Variants in DHX58 observed in about 807,000 individuals in gnomAD.
DHX58 encodes ATP-dependent RNA helicase DHX58.
Under a neutral mutation model 65.0 loss-of-function variants are expected in DHX58, and 51 were observed. The ratio of observed to expected loss-of-function variants is 0.78; its 90% CI spans 0.63 to 0.99. DHX58 has a LOEUF of 0.99. Among genes scored for constraint, DHX58 ranks in the 50% least tolerant of loss-of-function variants. DHX58 has a pLI of 0.00. For synonymous variants in DHX58, 350 were observed against 365.0 expected (o/e 0.96, Z 0.47); for missense variants, 773 against 891.8 (o/e 0.87, Z 1.70).
chr17:42,104,035 G>C (rs1696500158), intron 11 of DHX58, among the ~76,000 whole-genome samples: 1 of 152,040 alleles, frequency 6.6e-6, no homozygotes, highest in African/African-American at 2.4e-5. Context: ...ACCAGCCTGG[G>C]CAACATGGTG....
chr17:42,110,634 G>C (rs2054134165), intron 5 of DHX58, 89 bp downstream of exon 5: 1 of 1,440,812 alleles, frequency 6.9e-7, no homozygotes, highest in Non-Finnish European at 9.3e-7. Flanking sequence ...GGTAGGGCTG[G>C]TGGGGACGGG....
chr17:42,111,699 G>C (rs1472222636), intron 3 of DHX58, 26 bp downstream of exon 3: 2 of 1,589,782 alleles, frequency 1.3e-6, no homozygotes, highest in Non-Finnish European at 1.7e-6. Flanking sequence ...GGTGGTGGGA[G>C]AGCGGGGTAG....
chr17:42,108,061 G>C lies in DHX58; in HGVS notation c.726C>G (p.Asp242Glu). 6.2e-7 allele frequency: 1 copy of C among 1,614,248 alleles called. No individual in the cohort carries two copies. The highest frequency in any genetic ancestry group is 8.5e-7 in the Non-Finnish European group (1 of 1,180,050). Residue 242 changes from aspartate to glutamate, a missense_variant, in exon 7 of 14, where the codon GAC becomes GAG. Coordinates refer to ENST00000251642, the MANE Select transcript of DHX58 (RefSeq NM_024119.3). ...GGCTCAACTCAGGCATCTCCAGGTG[G>C]TCATGGATTTGGTCCATGAGCTTCT... ...LLKKLMDQIH[D>E]HLEMPELSRK... is the part of the protein sequence containing the mutation.
At position 42,107,800 on chromosome 17, in the gene DHX58, G is replaced by A. The variant is rs782506101; in HGVS notation, c.806-5C>T. On this transcript the variant is annotated splice_polypyrimidine_tract_variant and splice_region_variant and intron_variant, in intron 7 of 13. Coordinates refer to ENST00000251642, the MANE Select transcript of DHX58 (RefSeq NM_024119.3). ...CCTGAAGCCCAGCCAAAGCCGCTGC[G>A]GGAAGAGGGCGCAGGGTCTGAGCAG... The A allele has an allele frequency of 1.3e-6, 2 of 1,567,348 alleles. No homozygotes were observed. The highest frequency in any genetic ancestry group is 1.4e-5 in the African/African-American group (1 of 73,958).
chr17:42,105,199 C>A, intron 9 of DHX58, 32 bp from the exon 10 acceptor site: 1 of 1,580,202 alleles, frequency 6.3e-7, no homozygotes, highest in Non-Finnish European at 8.6e-7. Flanking sequence ...GAGAAAGAGG[C>A]TGGTACATGA....
chr17:42,102,586 C>A, intron 12 of DHX58: 1 of 361,316 alleles, frequency 2.8e-6, no homozygotes, highest in African/African-American at 2.1e-5. Flanking sequence ...TACTCCCAAT[C>A]CCAAGCCATC....
Position 42,104,927 on chromosome 17 carries a change from C to T in DHX58, c.1402G>A (p.Ala468Thr). Residue 468 changes from alanine (A) to threonine (T), a missense_variant and splice_region_variant, in exon 11 of 14, where the codon GCC becomes ACC. By Grantham distance (58) the Ala-to-Thr change is moderately conservative. Coordinates refer to ENST00000251642, the MANE Select transcript of DHX58 (RefSeq NM_024119.3). ...LLTNEISMVQ[A>T]RGRARADQSV... ...TGATCGGCCCGGGCACGGCCCCTGGCCTGGGAAGAGAGACAAGGGGTGTCC... is the reference window on the plus strand; with the variant it reads ...TGATCGGCCCGGGCACGGCCCCTGGTCTGGGAAGAGAGACAAGGGGTGTCC... The T allele has an allele frequency of 1.2e-6, 2 of 1,614,004 alleles. No individual in the cohort carries two copies. The highest frequency in any genetic ancestry group is 1.7e-6 in the Non-Finnish European group (2 of 1,179,994).
intron 5 of DHX58, among the ~76,000 whole-genome samples, chr17:42,109,767 C>G (rs569075766): frequency 9.2e-5 from 14 of 151,918 alleles, no homozygotes; most frequent in African/African-American, 3.4e-4. Context: ...TGGTGGCACG[C>G]GCCTGTAGTC....
At chr17:42,103,850 T>TG in intron 11 of DHX58, 52 bp from the exon 12 acceptor site, 1 of 1,558,052 alleles carries the variant, frequency 6.4e-7, no homozygotes, top group Non-Finnish European at 8.7e-7. Context: ...GAACGTTCCT[T>TG]GGGGGACAAA....
chr17:42,102,345 T>C (rs372676936), intron 12 of DHX58, 33 bp from the exon 13 acceptor site: 96 of 1,582,180 alleles, frequency 6.1e-5, no homozygotes, highest in Non-Finnish European at 8.3e-5. Flanking sequence ...ACAGCCCTCA[T>C]TGACCCTCCT....
rs1421521644 is a variant in DHX58 at position 42,111,026 on chromosome 17, C to A, written c.371-113G>T. 5.5e-6 allele frequency: 7 copies of A among 1,261,492 alleles called. No homozygotes were observed. In the African/African-American group the frequency reaches 9.0e-5, roughly 16 times the overall value. 78.1% of individuals were successfully genotyped at this position (1,261,492 alleles called of 1,614,324 possible). On this transcript the variant is annotated intron_variant, in intron 4 of 13. Transcript: ENST00000251642. Reference sequence around the variant, plus strand: ...AATTCCTTCTTCCCTTCACAACCTGCAGCTGGTCCCAGGATGAGGAGCCAG... The same window carrying A: ...AATTCCTTCTTCCCTTCACAACCTGAAGCTGGTCCCAGGATGAGGAGCCAG...
Position 42,101,950 on chromosome 17 carries a change from G to A in DHX58, c.1852-4C>T, listed in dbSNP as rs1286854309. 5.0e-6 allele frequency: 8 copies of A among 1,606,812 alleles called. No individual in the cohort carries two copies. The Admixed American group carries it at 1.0e-4, about 21-fold the overall frequency. On this transcript the variant is annotated splice_region_variant and splice_polypyrimidine_tract_variant and intron_variant, in intron 13 of 13. Transcript: ENST00000251642. ...AGATCATCTGCAGACCCCAGACCTG[G>A]AGGTGAGACAGAGAGGGTAGGGTCT...
rs373237712 is a variant in DHX58, at chr17:42,104,841, G to A, written c.1488C>T (p.Asn496=). ...GSRELKRELI[N]EALETLMEQA... is the part of the protein sequence containing the mutation. ...GCTCCATCAGCGTCTCCAGCGCCTC[G>A]TTGATCAGCTCCCGCTTCAGCTCCC... The change falls in exon 11 of 14, where the codon AAC becomes AAT. Residue 496 remains asparagine (N), a synonymous_variant. Coordinates refer to ENST00000251642, the MANE Select transcript of DHX58 (RefSeq NM_024119.3). The A allele has an allele frequency of 4.3e-6, 7 of 1,614,074 alleles. No individual in the cohort carries two copies. Among genetic ancestry groups the A allele is most frequent in the African/African-American group, 1.3e-5 (1 of 75,040 alleles).
chr17:42,105,854 T>C lies in DHX58; in HGVS notation c.1133A>G (p.Gln378Arg), dbSNP rs782460075. The change falls in exon 9 of 14, where the codon CAA becomes CGA. Residue 378 changes from glutamine to arginine, a missense_variant. Transcript: ENST00000251642. ...CCAGAGCAGGAGGGAGTGTGCGCTT[T>C]GGCGGGTGCGGGTGAAGATGATACC... Reference protein sequence around the residue: ...PRGIIFTRTRQSAHSLLLWLQ... With the variant: ...PRGIIFTRTRRSAHSLLLWLQ... The C allele has an allele frequency of 2.5e-6, 4 of 1,614,038 alleles. No individual in the cohort carries two copies. The highest frequency in any genetic ancestry group is 2.5e-6 in the Non-Finnish European group (3 of 1,180,006).
intron 2 of DHX58, 27 bp downstream of exon 2, chr17:42,112,086 C>T (rs1171270703): frequency 4.6e-6 from 3 of 645,844 alleles, no homozygotes; most frequent in Non-Finnish European, 7.6e-6. Context: ...CAGGCTACAC[C>T]TGCCCCCTGC....
chr17:42,104,347 A>T (rs551488221), intron 11 of DHX58, among the ~76,000 whole-genome samples: 3 of 152,320 alleles, frequency 2.0e-5, no homozygotes, highest in Admixed American at 6.5e-5. Context: ...CATCATTAAC[A>T]ATTATGCTGG....
Position 42,107,588 on chromosome 17 carries a change from C to T in DHX58, c.997+16G>A. ...TCCCATCATCCCCGGCCCCGAAGCC[C>T]CCTCCCGCCCCTCACCATCGAACAG... On this transcript the variant is annotated intron_variant, in intron 8 of 13. Coordinates refer to ENST00000251642, the MANE Select transcript of DHX58 (RefSeq NM_024119.3). The T allele has an allele frequency of 6.4e-7, 1 of 1,558,996 alleles. No individual in the cohort carries two copies. Among genetic ancestry groups the T allele is most frequent in the Non-Finnish European group, 8.7e-7 (1 of 1,149,184 alleles).
intron 12 of DHX58, chr17:42,103,275 G>C (rs1395585314): frequency 3.0e-6 from 1 of 329,610 alleles, no homozygotes; most frequent in Non-Finnish European, 5.6e-6. Context: ...GTGGATGGAG[G>C]ATGGCCCAGG....
chr17:42,112,568 T>TGGGGGG (rs1351973584), intron 1 of DHX58, 37 bp downstream of exon 1: 1 of 16,404 alleles, frequency 6.1e-5, no homozygotes, highest in African/African-American at 2.1e-4. Flanking sequence ...GGCCAAAAGG[T>TGGGGGG]GGGGGTGGGG....
Sources: gnomAD v4.1 joint callset for allele counts (sites outside exome capture counted in the v4.1 genomes callset) on GRCh38, gnomAD v4.1.1 for gene constraint, MANE v1.5 for transcripts, NCBI Gene and HGNC (gene_info 2026-07-23, HGNC 2026-07-21) for gene names.